Variants in C1orf185 observed in about 807,000 individuals in gnomAD.
C1orf185 encodes chromosome 1 open reading frame 185, also known as uncharacterized protein C1orf185.
In C1orf185, 13 loss-of-function variants were observed where a neutral mutation model predicts 16.1. The observed-to-expected ratio is 0.81, with a 90% CI of 0.53 to 1.28. The LOEUF (loss-of-function observed/expected upper bound fraction) is 1.28. C1orf185 is among the 50% of genes most tolerant of loss of function. The pLI is 0.00. For missense variants in C1orf185, 220 were observed against 225.2 expected (o/e 0.98, Z 0.15); for synonymous variants, 80 against 76.9 (o/e 1.04, Z -0.21).
chr1:51,128,369 G>A (rs1235889260), intron 3 of C1orf185, among the ~76,000 whole-genome samples: 1 of 148,370 alleles, frequency 6.7e-6, no homozygotes, highest in South Asian at 2.1e-4. Flanking sequence ...ATATGGTGGT[G>A]TTATTAGTAT....
downstream of C1orf185, among the ~76,000 whole-genome samples, chr1:51,148,976 T>C (rs1388297570): frequency 6.6e-6 from 1 of 152,172 alleles, no homozygotes; most frequent in African/African-American, 2.4e-5. Flanking sequence ...TTCCTATCTC[T>C]ATTTCTCAGA....
chr1:51,149,278 T>A (rs142033076), downstream of C1orf185, among the ~76,000 whole-genome samples: 861 of 152,318 alleles, frequency 5.7e-3, 6 homozygotes, highest in African/African-American at 0.02. Context: ...AGATAAATCA[T>A]ACCTCCTACA....
At chr1:51,124,818 G>T (rs1646227886) in intron 3 of C1orf185, among the ~76,000 whole-genome samples, 1 of 152,176 alleles carries the variant, frequency 6.6e-6, no homozygotes, top group Admixed American at 6.5e-5. Flanking sequence ...ACCATCTGCT[G>T]GTTCCTATGG....
intron 4 of C1orf185, among the ~76,000 whole-genome samples, chr1:51,147,212 T>G (rs1646406403): frequency 6.6e-6 from 1 of 152,198 alleles, no homozygotes; most frequent in Admixed American, 6.5e-5. Context: ...TCTTTTCTGA[T>G]TTTAAGGAAC....
intron 3 of C1orf185, among the ~76,000 whole-genome samples, chr1:51,143,044 G>A (rs999366890): frequency 3.3e-5 from 5 of 152,160 alleles, no homozygotes; most frequent in Non-Finnish European, 5.9e-5. Context: ...GATTACAGAT[G>A]TGAGCCACCG....
Position 51,147,642 on chromosome 1 carries a change from T to C in C1orf185, c.471T>C (p.Asp157=), listed in dbSNP as rs1261931280. ...AAGCAGCTGATGACTGGTTTTCTGA[T>C]GATTCTCTAGTGAAAAGGAACTCTC... The part of the protein sequence containing the change: ...SIEAADDWFS[D]DSLVKRNSPM... Residue 157 remains aspartate, a synonymous_variant, in exon 5 of 5, where the codon GAT becomes GAC. Coordinates refer to ENST00000371759, the MANE Select transcript of C1orf185 (RefSeq NM_001136508.2). 1 of 1,551,612 alleles carries C rather than the reference T, an allele frequency of 6.4e-7. No homozygotes were observed.
chr1:51,102,586 A>C (rs1646040385), intron 1 of C1orf185, among the ~76,000 whole-genome samples: 1 of 151,868 alleles, frequency 6.6e-6, no homozygotes, highest in South Asian at 2.1e-4. Context: ...ATTTATTTTA[A>C]CCTCTGCTCT....
chr1:51,109,027 G>T (rs995215046), intron 1 of C1orf185, among the ~76,000 whole-genome samples: 1 of 152,022 alleles, frequency 6.6e-6, no homozygotes, highest in Non-Finnish European at 1.5e-5. Flanking sequence ...GTACTATTTT[G>T]CATTCTCACC....
intron 1 of C1orf185, among the ~76,000 whole-genome samples, chr1:51,105,843 TCA>T (rs1304502025): frequency 6.6e-6 from 1 of 152,202 alleles, no homozygotes; most frequent in African/African-American, 2.4e-5. Flanking sequence ...AACTTAGTGA[TCA>T]CACAGTCAAG....
chr1:51,105,973 C>A (rs1646067747), intron 1 of C1orf185, among the ~76,000 whole-genome samples: 1 of 152,066 alleles, frequency 6.6e-6, no homozygotes, highest in African/African-American at 2.4e-5. Flanking sequence ...TTCTTTATAT[C>A]TCATTGCAAT....
At chr1:51,121,131 CTT>C (rs1036333777) in intron 3 of C1orf185, among the ~76,000 whole-genome samples, 8 of 152,222 alleles carry the variant, frequency 5.3e-5, no homozygotes, top group African/African-American at 1.7e-4. Flanking sequence ...AATCTACTCT[CTT>C]AGTGATTTTC....
intron 3 of C1orf185, among the ~76,000 whole-genome samples, chr1:51,141,293 T>C (rs572163098): frequency 3.1e-4 from 47 of 152,190 alleles, no homozygotes; most frequent in Admixed American, 1.1e-3. Flanking sequence ...AGTTAAAGAC[T>C]AGCCTTGGCA....
intron 1 of C1orf185, among the ~76,000 whole-genome samples, chr1:51,110,884 G>A (rs914991495): frequency 1.3e-5 from 2 of 151,870 alleles, no homozygotes; most frequent in Non-Finnish European, 2.9e-5. Flanking sequence ...CAGGAGAATC[G>A]CTTGAACCCA....
At position 51,138,200 on chromosome 1, in the gene C1orf185, T is replaced by C. The variant is rs368803849; in HGVS notation, c.259-7524T>C. Among the ~76,000 whole-genome samples the C allele has an allele frequency of 7.7e-4, 117 of 152,302 alleles. 1 individual carries two copies. Among genetic ancestry groups the C allele is most frequent in the African/African-American group, 2.4e-3 (99 of 41,576 alleles). On this transcript the variant is annotated intron_variant, in intron 3 of 4. Coordinates refer to ENST00000371759, the MANE Select transcript of C1orf185 (RefSeq NM_001136508.2). ...AAACCTGCACATGTACTCCTGAACC[T>C]ACAAGTTAAAAATATATATATATTT...
downstream of C1orf185, among the ~76,000 whole-genome samples, chr1:51,148,765 G>A (rs565807870): frequency 6.6e-6 from 1 of 151,922 alleles, no homozygotes; most frequent in East Asian, 1.9e-4. Flanking sequence ...AGTCTCTACA[G>A]AAAATGCAAA....
chr1:51,144,188 G>A (rs1646384303), intron 3 of C1orf185, among the ~76,000 whole-genome samples: 1 of 152,060 alleles, frequency 6.6e-6, no homozygotes, highest in Admixed American at 6.6e-5. Context: ...TTACCTAGGC[G>A]AGCCTATTAG....
intron 3 of C1orf185, among the ~76,000 whole-genome samples, chr1:51,134,079 CA>C (rs894715151): frequency 6.8e-4 from 100 of 146,262 alleles, no homozygotes; most frequent in African/African-American, 1.9e-3. Flanking sequence ...AAGACTCTGT[CA>C]AAAAAAAAAG....
chr1:51,114,487 C>G (rs960345350), intron 2 of C1orf185, among the ~76,000 whole-genome samples: 6 of 152,284 alleles, frequency 3.9e-5, no homozygotes, highest in Non-Finnish European at 8.8e-5. Context: ...CTTTGGGAGG[C>G]CAAGGCAGGT....
intron 3 of C1orf185, among the ~76,000 whole-genome samples, chr1:51,138,616 T>C (rs1270187204): frequency 6.6e-6 from 1 of 151,808 alleles, no homozygotes; most frequent in Non-Finnish European, 1.5e-5. Flanking sequence ...ATGGTCTCAA[T>C]CTCCTGACTT....
Sources: gnomAD v4.1 joint callset for allele counts (sites outside exome capture counted in the v4.1 genomes callset) on GRCh38, gnomAD v4.1.1 for gene constraint, MANE v1.5 for transcripts, NCBI Gene and HGNC (gene_info 2026-07-23, HGNC 2026-07-21) for gene names.